Variants in DPP6 observed in about 807,000 individuals in gnomAD.
The protein encoded by DPP6 is A-type potassium channel modulatory protein DPP6.
Under a neutral mutation model 122.6 loss-of-function variants are expected in DPP6, and 69 were observed. The observed-to-expected ratio is 0.56, with a 90% CI of 0.46 to 0.69. The LOEUF (loss-of-function observed/expected upper bound fraction) is 0.69. Ranked by LOEUF, DPP6 falls within the 30% of genes least tolerant of loss-of-function variation. The probability of loss-of-function intolerance (pLI) is 0.00; values close to 1 mark genes in which losing one functional copy is unlikely to be tolerated. For synonymous variants in DPP6, 418 were observed against 433.1 expected, an observed-to-expected ratio of 0.97 and a Z score of 0.43; for missense variants, 928 against 1,116.9, an observed-to-expected ratio of 0.83 and a Z score of 2.41.
At chr7:154,415,510 G>A (rs1422174354) in intron 1 of DPP6, among the ~76,000 whole-genome samples, 1 of 152,000 alleles carries the variant, frequency 6.6e-6, no homozygotes, top group Non-Finnish European at 1.5e-5. Context: ...TCTAGGTTGT[G>A]AGCTCTGCGG....
intron 6 of DPP6, among the ~76,000 whole-genome samples, chr7:154,650,825 C>T (rs1836832082): frequency 6.6e-6 from 1 of 152,190 alleles, no homozygotes; most frequent in African/African-American, 2.4e-5. Flanking sequence ...GTCTTCTCTA[C>T]ATCCAACTGG....
At chr7:154,489,010 ACTGTGGGTAC>A (rs921681546) in intron 3 of DPP6, among the ~76,000 whole-genome samples, 7 of 152,238 alleles carry the variant, frequency 4.6e-5, no homozygotes, top group African/African-American at 1.4e-4. Context: ...ACAAAGGAGA[ACTGTGGGTAC>A]CACAGAAGAT....
chr7:153,963,012 C>G (rs1795435348), intron 1 of DPP6, among the ~76,000 whole-genome samples: 1 of 152,170 alleles, frequency 6.6e-6, no homozygotes, highest in African/African-American at 2.4e-5. Flanking sequence ...ACTAAATTAA[C>G]TGTTCCTTCA....
At chr7:154,220,769 G>C (rs1476407896) in intron 1 of DPP6, among the ~76,000 whole-genome samples, 1 of 152,126 alleles carries the variant, frequency 6.6e-6, no homozygotes, top group Non-Finnish European at 1.5e-5. Context: ...AATGGACTAA[G>C]ACAACTCATA....
intron 3 of DPP6, among the ~76,000 whole-genome samples, chr7:154,509,797 G>T (rs148229299): frequency 6.6e-6 from 1 of 152,088 alleles, no homozygotes; most frequent in South Asian, 2.1e-4. Flanking sequence ...TACATGCTAC[G>T]TACTGATTAA....
At chr7:154,522,100 A>G (rs1027873294) in intron 3 of DPP6, among the ~76,000 whole-genome samples, 8 of 152,098 alleles carry the variant, frequency 5.3e-5, no homozygotes, top group Middle Eastern at 3.4e-3. Context: ...GGTAGCTGGG[A>G]CTACAGGCAC....
At position 154,892,415 on chromosome 7, in the gene DPP6, G is replaced by A. The variant is rs765845327; in HGVS notation, c.2533G>A (p.Glu845Lys). 6.2e-7 allele frequency: 1 copy of A among 1,613,922 alleles called. No homozygotes were observed. Among genetic ancestry groups the A allele is most frequent in the African/African-American group, 1.3e-5 (1 of 74,920 alleles). ...LYRSIINFFV[E>K]CFRIQDKLLT... is the part of the protein sequence containing the mutation. ...CCGGTCCATCATCAACTTCTTCGTGGAATGCTTCAGGATCCAGGACAAACT... is the reference window on the plus strand; with the variant it reads ...CCGGTCCATCATCAACTTCTTCGTGAAATGCTTCAGGATCCAGGACAAACT... The change falls in exon 26 of 26, where the codon GAA (glutamate) becomes AAA (lysine). Residue 845 changes from glutamate to lysine, a missense_variant. Physicochemically the swap from Glu to Lys is moderately conservative, Grantham distance 56. Transcript: ENST00000377770.
At chr7:154,605,816 A>T (rs773624635) in intron 5 of DPP6, among the ~76,000 whole-genome samples, 1 of 119,358 alleles carries the variant, frequency 8.4e-6, no homozygotes, top group Non-Finnish European at 1.9e-5. Flanking sequence ...TATCCTTTCT[A>T]TGAAATAATG....
At chr7:154,062,810 A>AG (rs1390520255) in intron 1 of DPP6, among the ~76,000 whole-genome samples, 1 of 80,508 alleles carries the variant, frequency 1.2e-5, no homozygotes, top group African/African-American at 5.0e-5. Flanking sequence ...CCCATCGCAG[A>AG]GGGGGGAGGC....
chr7:154,859,218 C>T (rs1056471765), intron 17 of DPP6, among the ~76,000 whole-genome samples: 2 of 152,240 alleles, frequency 1.3e-5, no homozygotes, highest in Non-Finnish European at 2.9e-5. Flanking sequence ...CAGGCATTTG[C>T]ACCTCACGCC....
chr7:154,890,548 G>C (rs1806510883), intron 25 of DPP6: 1 of 152,204 alleles, frequency 6.6e-6, no homozygotes, highest in South Asian at 2.1e-4. Flanking sequence ...CGCTCCAAAG[G>C]TCCATGTGTA....
chr7:154,783,225 T>G (rs1224327473), intron 10 of DPP6, among the ~76,000 whole-genome samples: 1 of 152,190 alleles, frequency 6.6e-6, no homozygotes, highest in Admixed American at 6.5e-5. Context: ...TCCCCATAGC[T>G]GTCCTGCTCT....
chr7:154,149,908 C>T (rs1461209714), intron 1 of DPP6, among the ~76,000 whole-genome samples: 4 of 152,122 alleles, frequency 2.6e-5, no homozygotes, highest in African/African-American at 4.8e-5. Context: ...AAAGTTCCAG[C>T]AGGCAGATAC....
At chr7:154,324,004 T>C (rs1020558000) in intron 1 of DPP6, among the ~76,000 whole-genome samples, 1 of 152,206 alleles carries the variant, frequency 6.6e-6, no homozygotes, top group African/African-American at 2.4e-5. Context: ...TATTTTCCAA[T>C]GACACTTAAA....
Position 154,618,863 on chromosome 7 carries a change from G to T in DPP6, c.628-18958G>T, listed in dbSNP as rs1329062213. Reference sequence around the variant, plus strand: ...CAGAGTTACACACTGATATGGTTTAGCTGTGTCCCCACCCAAATCTCATCT... The same window carrying T: ...CAGAGTTACACACTGATATGGTTTATCTGTGTCCCCACCCAAATCTCATCT... On this transcript the variant is annotated intron_variant, in intron 5 of 25. Coordinates refer to ENST00000377770, the MANE Select transcript of DPP6 (RefSeq NM_130797.4). The surrounding 1 kb of genome is among the most constrained non-coding windows in gnomAD (Gnocchi z 4.1). 6.6e-6 allele frequency among the ~76,000 whole-genome samples: 1 copy of T among 152,214 alleles called. No homozygotes were observed. Among genetic ancestry groups the T allele is most frequent in the Non-Finnish European group, 1.5e-5 (1 of 68,046 alleles).
intron 1 of DPP6, among the ~76,000 whole-genome samples, chr7:154,316,910 T>C (rs1013669936): frequency 5.9e-5 from 9 of 152,176 alleles, no homozygotes; most frequent in African/African-American, 2.2e-4. Flanking sequence ...CTCTGGCACT[T>C]GCTAGGTAGG....
intron 8 of DPP6, among the ~76,000 whole-genome samples, chr7:154,749,259 G>T (rs1195842842): frequency 3.1e-5 from 4 of 130,088 alleles, no homozygotes; most frequent in East Asian, 4.5e-4. Context: ...TACTGAGAGA[G>T]GGTGAGGGAG....
chr7:154,082,846 C>CTTTCTTTCT (rs1260484862), intron 1 of DPP6, among the ~76,000 whole-genome samples: 27 of 106,274 alleles, frequency 2.5e-4, no homozygotes, highest in African/African-American at 8.4e-4. Flanking sequence ...TTTTCTTTTT[C>CTTTCTTTCT]TTTTTTTTTT....
intron 1 of DPP6, among the ~76,000 whole-genome samples, chr7:154,257,100 G>A (rs1314394165): frequency 1.3e-5 from 2 of 148,694 alleles, no homozygotes; most frequent in African/African-American, 2.5e-5. Context: ...GGACTCAAAC[G>A]ATCCTCCCAC....
Sources: allele counts gnomAD v4.1 joint callset (sites outside exome capture counted in the v4.1 genomes callset), GRCh38; gene constraint gnomAD v4.1.1; non-coding constraint Gnocchi (gnomAD v3.1); transcripts MANE v1.5; gene names NCBI Gene and HGNC (gene_info 2026-07-23, HGNC 2026-07-21).